Variants in KDM2B observed in about 807,000 individuals in gnomAD.
KDM2B encodes the protein lysine-specific demethylase 2B.
Under a neutral mutation model 150.0 loss-of-function variants are expected in KDM2B, and 26 were observed. The ratio of observed to expected loss-of-function variants is 0.17; its 90% CI spans 0.13 to 0.24. KDM2B has a LOEUF of 0.24. KDM2B is among the 10% of genes least tolerant of loss of function. The pLI, the probability that KDM2B is intolerant of heterozygous loss-of-function variation, is 1.00. For missense variants in KDM2B, 1,265 were observed against 1,816.9 expected (o/e 0.70, Z 5.52); for synonymous variants, 734 against 729.5 (o/e 1.01, Z -0.10).
At chr12:121,509,048 G>A (rs1384132822) in intron 11 of KDM2B, among the ~76,000 whole-genome samples, 4 of 151,948 alleles carry the variant, frequency 2.6e-5, no homozygotes, top group Admixed American at 1.3e-4. Flanking sequence ...GTTCCAAAAG[G>A]GGGTCCTCTA....
chr12:121,532,378 C>T (rs959656575), intron 8 of KDM2B, among the ~76,000 whole-genome samples: 9 of 152,160 alleles, frequency 5.9e-5, no homozygotes, highest in Admixed American at 6.5e-5. Flanking sequence ...CTGGGGAAAT[C>T]TTAATCCTAT....
chr12:121,446,259 G>T (rs562175562), intron 13 of KDM2B, among the ~76,000 whole-genome samples: 5 of 152,176 alleles, frequency 3.3e-5, no homozygotes, highest in Non-Finnish European at 5.9e-5. Context: ...TTAGCCGGGC[G>T]TGGTGGCGGG....
intron 12 of KDM2B, among the ~76,000 whole-genome samples, chr12:121,488,979 G>C (rs1472182962): frequency 2.0e-5 from 3 of 152,034 alleles, no homozygotes; most frequent in Admixed American, 2.0e-4. Flanking sequence ...AGATAGTTTT[G>C]TATTTTTTAG....
In KDM2B at chr12:121,549,080, C is replaced by G. The variant is rs1889287729; in HGVS notation, c.577-97G>C. 2 of 937,560 alleles carry G rather than the reference C, an allele frequency of 2.1e-6. No individual in the cohort carries two copies. 58.1% of individuals were successfully genotyped at this position (937,560 alleles called of 1,614,324 possible). Reference sequence around the variant, plus strand: ...AGAGTCCTTGGGCCCCCCCGCTCCCCCAATCTACTGTGGGCTCAATAGTCC... The same window carrying G: ...AGAGTCCTTGGGCCCCCCCGCTCCCGCAATCTACTGTGGGCTCAATAGTCC... On this transcript the variant is annotated intron_variant, in intron 5 of 22. Coordinates refer to ENST00000377071, the MANE Select transcript of KDM2B (RefSeq NM_032590.5). The surrounding 1 kb of genome is among the most constrained non-coding windows in gnomAD (Gnocchi z 4.4).
At position 121,494,572 on chromosome 12, in the gene KDM2B, G is replaced by A. The variant is rs61757389; in HGVS notation, c.1734+7C>T. The A allele has an allele frequency of 4.2e-5, 67 of 1,610,730 alleles. No homozygotes were observed. The highest frequency in any genetic ancestry group is 4.5e-5 in the Non-Finnish European group (53 of 1,178,046). On this transcript the variant is annotated splice_region_variant and intron_variant, in intron 12 of 22. Transcript: ENST00000377071. ...CGGCCGCCCGCTGCAGGCAGGCTGCGTCTTACCTTTGGAGTCTTCTTTGGC... is the reference window on the plus strand; with the variant it reads ...CGGCCGCCCGCTGCAGGCAGGCTGCATCTTACCTTTGGAGTCTTCTTTGGC...
chr12:121,546,379 C>CTTTTTTTTTTTTTT (rs371614406), intron 6 of KDM2B, among the ~76,000 whole-genome samples: 10 of 97,486 alleles, frequency 1.0e-4, no homozygotes, highest in African/African-American at 1.7e-4. Flanking sequence ...TTTTTTTTGC[C>CTTTTTTTTTTTTTT]TTTTTTTTTT....
At position 121,429,397 on chromosome 12, in the gene KDM2B, CTT is replaced by C. The variant is rs1872698771; in HGVS notation, c.*889_*890del. The C allele has an allele frequency of 6.5e-6, 1 of 152,962 alleles. No individual in the cohort carries two copies. The highest frequency in any genetic ancestry group is 1.9e-4 in the East Asian group (1 of 5,198). The allele number at this position is 152,962 out of a possible 1,614,324, so 9.5% of individuals were successfully genotyped here. On this transcript the variant is annotated 3_prime_UTR_variant, in exon 23 of 23. Coordinates refer to ENST00000377071, the MANE Select transcript of KDM2B (RefSeq NM_032590.5). ...CTATGTGGGAGCATTTATTCTACGT[CTT>C]GACTCACTGTATAAATTAGATCTAT...
At chr12:121,574,218 C>A (rs1196612220) in intron 4 of KDM2B, 6 of 240,270 alleles carry the variant, frequency 2.5e-5, no homozygotes, top group Non-Finnish European at 5.0e-5. Flanking sequence ...TATGAGGGAT[C>A]ATAAAGCACC....
At chr12:121,580,010 A>AG in intron 1 of KDM2B, 4 of 1,540,224 alleles carry the variant, frequency 2.6e-6, no homozygotes, top group Non-Finnish European at 3.5e-6. Flanking sequence ...AAAAAAAAAA[A>AG]GCTACACACC....
chr12:121,471,779 T>G (rs782443340), intron 12 of KDM2B, among the ~76,000 whole-genome samples: 1 of 152,130 alleles, frequency 6.6e-6, no homozygotes, highest in Non-Finnish European at 1.5e-5. Context: ...ATGGATCCTT[T>G]TAATGTTGAG....
chr12:121,460,262 G>A (rs1878912919), intron 12 of KDM2B, among the ~76,000 whole-genome samples: 1 of 152,178 alleles, frequency 6.6e-6, no homozygotes, highest in African/African-American at 2.4e-5. Context: ...TCTGGAAAAA[G>A]AAAGACATGC....
In KDM2B at chr12:121,445,914, G is replaced by A. The variant is rs797036664; in HGVS notation, c.1960-496C>T. Among the ~76,000 whole-genome samples, 58 of 152,278 alleles carry A rather than the reference G, an allele frequency of 3.8e-4. 1 individual carries two copies. Among genetic ancestry groups the A allele is most frequent in the African/African-American group, 1.3e-3 (52 of 41,562 alleles). On this transcript the variant is annotated intron_variant, in intron 13 of 22. Transcript: ENST00000377071. ...ATTCAAGGCACAGACCATGGACTGC[G>A]GGCTCCCAAGACCTTTACAGAAAGG... is the stretch of plus-strand genomic sequence containing the variant.
intron 6 of KDM2B, among the ~76,000 whole-genome samples, chr12:121,539,106 TATTA>T (rs1888391794): frequency 6.6e-6 from 1 of 151,996 alleles, no homozygotes; most frequent in African/African-American, 2.4e-5. Context: ...TACTGAGCAA[TATTA>T]ATTAACAGGT....
At position 121,533,242 on chromosome 12, in the gene KDM2B, C is replaced by G. The variant is rs188337748; in HGVS notation, c.778-283G>C. On this transcript the variant is annotated intron_variant, in intron 7 of 22. Coordinates refer to ENST00000377071, the MANE Select transcript of KDM2B (RefSeq NM_032590.5). This position sits in a 1 kb window ranked among gnomAD's most constrained non-coding sequence, Gnocchi z 4.1. ...GGACTGGGTGGGACATGCTTTCTCC[C>G]GAACCACAGGCTTGTCTAGGAGGTG... is the stretch of plus-strand genomic sequence containing the variant. Among the ~76,000 whole-genome samples the G allele has an allele frequency of 1.3e-3, 199 of 152,190 alleles. 1 individual carries two copies. The highest frequency in any genetic ancestry group is 2.4e-4 in the Non-Finnish European group (16 of 67,998).
At chr12:121,435,349 T>C (rs1032749328) in intron 22 of KDM2B, among the ~76,000 whole-genome samples, 4 of 152,174 alleles carry the variant, frequency 2.6e-5, no homozygotes, top group Non-Finnish European at 4.4e-5. Flanking sequence ...GGTAACAATT[T>C]AGGAGACCTG....
chr12:121,575,964 G>A lies in KDM2B; in HGVS notation c.272-105C>T. 1.2e-6 allele frequency: 1 copy of A among 809,182 alleles called. No homozygotes were observed. The highest frequency in any genetic ancestry group is 2.5e-5 in the East Asian group (1 of 40,560). 50.1% of individuals were successfully genotyped at this position (809,182 alleles called of 1,614,324 possible). On this transcript the variant is annotated intron_variant, in intron 2 of 22. Transcript: ENST00000377071. This position sits in a 1 kb window ranked among gnomAD's most constrained non-coding sequence, Gnocchi z 4.4. ...AAAACTGATGGACGAAGGGGCAGGG[G>A]GTCCAGGAGATGCAGGCACCAGCTG...
At chr12:121,474,440 CG>C (rs1277347894) in intron 12 of KDM2B, among the ~76,000 whole-genome samples, 3 of 151,716 alleles carry the variant, frequency 2.0e-5, no homozygotes, top group Non-Finnish European at 2.9e-5. Flanking sequence ...GGCGTGAACC[CG>C]GGGGGCAGAG....
intron 12 of KDM2B, 151 bp downstream of exon 12, chr12:121,494,428 A>G: frequency 1.7e-6 from 1 of 591,066 alleles, no homozygotes; most frequent in South Asian, 2.0e-5. Flanking sequence ...AAACAAAAAC[A>G]TGGAACAAAT....
intron 16 of KDM2B, 105 bp from the exon 17 acceptor site, chr12:121,443,898 G>T: frequency 1.4e-6 from 2 of 1,444,624 alleles, no homozygotes; most frequent in Non-Finnish European, 9.4e-7. Flanking sequence ...GCAGCAAGAG[G>T]CCGGGATTAT....
Sources: allele counts gnomAD v4.1 joint callset (sites outside exome capture counted in the v4.1 genomes callset), GRCh38; gene constraint gnomAD v4.1.1; non-coding constraint Gnocchi (gnomAD v3.1); transcripts MANE v1.5; gene names NCBI Gene and HGNC (gene_info 2026-07-23, HGNC 2026-07-21).